The following LMBR1 variants were observed in gnomAD, a reference collection of about 807,000 sequenced individuals.
The protein encoded by LMBR1 is limb region 1 protein homolog.
LMBR1 carries 52 observed loss-of-function variants against 73.9 expected under a neutral mutation model. The observed-to-expected ratio is 0.70, with a 90% CI of 0.56 to 0.89. LMBR1 has a LOEUF of 0.89. Ranked by LOEUF, LMBR1 falls within the 40% of genes least tolerant of loss-of-function variation. The pLI is 0.00. For missense variants in LMBR1, 539 were observed against 579.8 expected (o/e 0.93, Z 0.72); for synonymous variants, 215 against 209.4 (o/e 1.03, Z -0.23).
At chr7:156,824,571 T>C (rs1835342460) in intron 4 of LMBR1, among the ~76,000 whole-genome samples, 1 of 152,118 alleles carries the variant, frequency 6.6e-6, no homozygotes, top group South Asian at 2.1e-4. Context: ...AAAAGTGACA[T>C]CTTGGCAACA....
rs140940091 is a variant in LMBR1 at position 156,836,476 on chromosome 7, G to A, written c.139+337C>T. On this transcript the variant is annotated intron_variant, in intron 2 of 16. Transcript: ENST00000353442. ...CTCTAGTAGCCAGAAAAGGTATGAG[G>A]TGTGGATGAGTAAAACATTCAAAGT... Among the ~76,000 whole-genome samples, 137 of 152,308 alleles carry A rather than the reference G, an allele frequency of 9.0e-4. 2 individuals carry two copies. The highest frequency in any genetic ancestry group is 4.4e-4 in the Non-Finnish European group (30 of 68,030).
intron 5 of LMBR1, among the ~76,000 whole-genome samples, chr7:156,767,860 A>T (rs1359337269): frequency 6.6e-6 from 1 of 152,148 alleles, no homozygotes; most frequent in East Asian, 1.9e-4. Context: ...AACGAAAGTG[A>T]TACTAAAAAA....
At position 156,817,239 on chromosome 7, in the gene LMBR1, T is replaced by C. The variant is rs369402611; in HGVS notation, c.319+9366A>G. On this transcript the variant is annotated intron_variant, in intron 4 of 16. Coordinates refer to ENST00000353442, the MANE Select transcript of LMBR1 (RefSeq NM_022458.4). ...AAATAATTTATCATTTTTCCTCACA[T>C]AGACAAAAGCCTTCATGAATTTAAA... Among the ~76,000 whole-genome samples the C allele has an allele frequency of 8.0e-4, 122 of 152,260 alleles. 1 individual carries two copies. In the South Asian group the frequency reaches 0.02, roughly 25 times the overall value.
chr7:156,816,493 G>T (rs1389075738), intron 4 of LMBR1, among the ~76,000 whole-genome samples: 4 of 152,138 alleles, frequency 2.6e-5, no homozygotes, highest in African/African-American at 7.2e-5. Context: ...ATCAAGAAGG[G>T]TTCCAAATAC....
intron 1 of LMBR1, among the ~76,000 whole-genome samples, chr7:156,867,580 G>C (rs945364351): frequency 2.0e-5 from 3 of 152,162 alleles, no homozygotes; most frequent in Non-Finnish European, 1.5e-5. Flanking sequence ...ACCATAAAAA[G>C]ACAATGAAGT....
chr7:156,764,895 T>C (rs1232998094), intron 5 of LMBR1, among the ~76,000 whole-genome samples: 3 of 152,194 alleles, frequency 2.0e-5, no homozygotes, highest in Admixed American at 1.3e-4. Flanking sequence ...AGTGACTTTT[T>C]CTTACTAGTC....
At chr7:156,706,679 C>T (rs891832067) in intron 15 of LMBR1, among the ~76,000 whole-genome samples, 2 of 151,072 alleles carry the variant, frequency 1.3e-5, no homozygotes, top group Non-Finnish European at 3.0e-5. Flanking sequence ...ATTTTTGAAA[C>T]AAATGAAAAT....
intron 2 of LMBR1, among the ~76,000 whole-genome samples, chr7:156,834,031 T>C (rs1293814496): frequency 1.3e-5 from 2 of 152,152 alleles, no homozygotes; most frequent in Admixed American, 6.6e-5. Flanking sequence ...AAAACTACCA[T>C]ATGTAAATTA....
In LMBR1 at chr7:156,688,086, A is replaced by C. The variant is rs1184978850; in HGVS notation, c.1331T>G (p.Leu444Trp). 15 of 1,612,912 alleles carry C rather than the reference A, an allele frequency of 9.3e-6. No individual in the cohort carries two copies. Among genetic ancestry groups the C allele is most frequent in the South Asian group, 3.3e-5 (3 of 90,720 alleles). The change falls in exon 16 of 17, where the codon TTG becomes TGG. Residue 444 changes from leucine (L) to tryptophan (W), a missense_variant. Physicochemically the swap from Leu to Trp is moderately conservative, Grantham distance 61. Around this residue, in one of 3 missense-constraint regions of LMBR1, gnomAD observed 69 missense variants for 68.5 expected, o/e 1.01. Coordinates refer to ENST00000353442, the MANE Select transcript of LMBR1 (RefSeq NM_022458.4). ...AGAGGTGAATTTTCGGACCAGACAC[A>C]ATGTTGTCACAATAGCAAAAAGCAA... ...YNLLFAIVTT[L>W]CLVRKFTSAV...
downstream of LMBR1, among the ~76,000 whole-genome samples, chr7:156,675,134 C>CCCGAAGGGGCAGCGGA (rs1563102563): frequency 5.9e-5 from 9 of 152,028 alleles, no homozygotes; most frequent in African/African-American, 9.7e-5. Flanking sequence ...GAGGCAGCGG[C>CCCGAAGGGGCAGCGGA]GACCCGAAGG....
At chr7:156,805,215 C>T (rs1192485929) in intron 4 of LMBR1, among the ~76,000 whole-genome samples, 8 of 122,738 alleles carry the variant, frequency 6.5e-5, no homozygotes, top group South Asian at 2.7e-4. Context: ...ACATCATGCA[C>T]TTTTTTTTTT....
intron 5 of LMBR1, among the ~76,000 whole-genome samples, chr7:156,793,495 G>T (rs1463506523): frequency 6.6e-6 from 1 of 152,170 alleles, no homozygotes; most frequent in African/African-American, 2.4e-5. Context: ...TATGCTAGCT[G>T]TAATGCTCAA....
At chr7:156,763,829 T>A (rs1650382036) in intron 5 of LMBR1, 34 bp from the exon 6 acceptor site, 2 of 1,543,630 alleles carry the variant, frequency 1.3e-6, no homozygotes, top group Admixed American at 4.2e-5. Flanking sequence ...ATTTTAGTAT[T>A]TTACTTCATT....
In LMBR1 at chr7:156,892,952, G is replaced by T. The variant is rs1803445327; in HGVS notation, c.42C>A (p.Phe14Leu). 3 of 1,543,364 alleles carry T rather than the reference G, an allele frequency of 1.9e-6. No homozygotes were observed. The highest frequency in any genetic ancestry group is 1.7e-6 in the Non-Finnish European group (2 of 1,152,366). ...CCGTGGACTCCCGCACTTGGCTGTG[G>T]AAGTGCTGCTCCCGCGCCGACACCT... Reference protein sequence around the residue: ...QDEVSAREQHFHSQVRESTIC... With the variant: ...QDEVSAREQHLHSQVRESTIC... The change falls in exon 1 of 17, where the codon TTC (phenylalanine) becomes TTA (leucine). Residue 14 changes from phenylalanine to leucine, a missense_variant. By Grantham distance (22) the Phe-to-Leu change is conservative. Coordinates refer to ENST00000353442, the MANE Select transcript of LMBR1 (RefSeq NM_022458.4).
chr7:156,700,019 T>A (rs1809285856), intron 15 of LMBR1, among the ~76,000 whole-genome samples: 1 of 152,168 alleles, frequency 6.6e-6, no homozygotes, highest in Non-Finnish European at 1.5e-5. Context: ...GAAATACCAT[T>A]TGACCCAGCC....
At chr7:156,822,261 T>G (rs568082574) in intron 4 of LMBR1, 1 of 152,212 alleles carries the variant, frequency 6.6e-6, no homozygotes, top group Admixed American at 6.5e-5. Context: ...CACCAGGCAA[T>G]AGACTAGGTA....
At chr7:156,755,142 T>A (rs1181257038) in intron 9 of LMBR1, among the ~76,000 whole-genome samples, 1 of 152,258 alleles carries the variant, frequency 6.6e-6, no homozygotes, top group East Asian at 1.9e-4. Context: ...AACATTTCTA[T>A]GCCAGTGAGG....
At chr7:156,823,077 A>C (rs1357316874) in intron 4 of LMBR1, 1 of 152,132 alleles carries the variant, frequency 6.6e-6, no homozygotes, top group Non-Finnish European at 1.5e-5. Flanking sequence ...GCGCCACTGC[A>C]CTCCAGCCTG....
At chr7:156,859,955 G>A (rs1349511023) in intron 1 of LMBR1, among the ~76,000 whole-genome samples, 1 of 152,074 alleles carries the variant, frequency 6.6e-6, no homozygotes, top group Non-Finnish European at 1.5e-5. Context: ...AAGATCAATG[G>A]AACAGAATAG....
Sources: allele counts gnomAD v4.1 joint callset (sites outside exome capture counted in the v4.1 genomes callset), GRCh38; gene constraint gnomAD v4.1.1; regional missense constraint gnomAD v4.1.1; transcripts MANE v1.5; gene names NCBI Gene and HGNC (gene_info 2026-07-23, HGNC 2026-07-21).